The following BTD variants were observed in gnomAD, a reference collection of about 807,000 sequenced individuals.
BTD encodes the protein biocytinase.
In BTD, 13 loss-of-function variants were observed where a neutral mutation model predicts 17.7. That is an observed-to-expected ratio of 0.74 (90% CI 0.48 to 1.17). BTD has a LOEUF of 1.17. BTD is among the 50% of genes most tolerant of loss of function. The pLI is 0.00. For missense variants in BTD, 674 were observed against 650.4 expected (o/e 1.04, Z -0.39); for synonymous variants, 240 against 245.2 (o/e 0.98, Z 0.20).
chr3:15,711,587 T>TA (rs1027597419), exon 4 of BTD, among the ~76,000 whole-genome samples: 1 of 152,170 alleles, frequency 6.6e-6, no homozygotes, highest in African/African-American at 2.4e-5. Context: ...GCAAATTTTA[T>TA]AGAGATGAAA....
At chr3:15,671,806 A>C (rs924147539) in intron 3 of BTD, among the ~76,000 whole-genome samples, 1 of 151,930 alleles carries the variant, frequency 6.6e-6, no homozygotes, top group African/African-American at 2.4e-5. Flanking sequence ...GCTGGTCTCA[A>C]ACTCCTGGCC....
At chr3:15,641,567 C>A (rs1474221725) in intron 2 of BTD, among the ~76,000 whole-genome samples, 1 of 152,212 alleles carries the variant, frequency 6.6e-6, no homozygotes, top group Non-Finnish European at 1.5e-5. Flanking sequence ...CCCCTGGTAT[C>A]CTAAGAACTC....
chr3:15,700,283 A>T (rs2070364097), intron 3 of BTD, among the ~76,000 whole-genome samples: 1 of 151,868 alleles, frequency 6.6e-6, no homozygotes, highest in Non-Finnish European at 1.5e-5. Flanking sequence ...AACATCATAC[A>T]CCGGGGCCTG....
rs1354362266 is a variant in BTD, at chr3:15,645,378, G to A, written c.1462G>A (p.Val488Ile). Residue 488 changes from valine to isoleucine, a missense_variant, in exon 4 of 4, where the codon GTC becomes ATC. Transcript: ENST00000643237. The stretch of plus-strand genomic sequence containing the variant: ...TCTGACCTCAGGGATGACCCTAGAA[G>A]TCCCTGACCAGCTTGGCTGGGAGAA... ...LFLTSGMTLE[V>I]PDQLGWENDH... 1.9e-6 allele frequency: 3 copies of A among 1,614,186 alleles called. No individual in the cohort carries two copies. The highest frequency in any genetic ancestry group is 2.5e-6 in the Non-Finnish European group (3 of 1,180,042).
At chr3:15,633,291 G>A (rs149671032) in intron 1 of BTD, among the ~76,000 whole-genome samples, 113 of 152,168 alleles carry the variant, frequency 7.4e-4, no homozygotes, top group African/African-American at 2.6e-3. Context: ...CGGCTGACTA[G>A]ACCTATTTTT....
intron 3 of BTD, among the ~76,000 whole-genome samples, chr3:15,682,464 G>A (rs2067646437): frequency 6.6e-6 from 1 of 152,112 alleles, no homozygotes; most frequent in South Asian, 2.1e-4. Flanking sequence ...AAGATAGATA[G>A]GATGGTAAAC....
chr3:15,605,322 A>G (rs189641128), intron 1 of BTD, among the ~76,000 whole-genome samples: 5 of 152,336 alleles, frequency 3.3e-5, no homozygotes, highest in African/African-American at 4.8e-5. Context: ...TTATAAAACC[A>G]TCACAGCTTG....
chr3:15,679,331 C>T, intron 3 of BTD: 1 of 1,613,982 alleles, frequency 6.2e-7, no homozygotes, highest in Non-Finnish European at 8.5e-7. Flanking sequence ...GTTCACAATG[C>T]TGGCACCTAA....
At chr3:15,718,355 T>C (rs115546897) in intron 4 of BTD, among the ~76,000 whole-genome samples, 263 of 152,340 alleles carry the variant, frequency 1.7e-3, no homozygotes, top group African/African-American at 5.9e-3. Flanking sequence ...TACTTAAATA[T>C]ATCTTAATGC....
intron 3 of BTD, among the ~76,000 whole-genome samples, chr3:15,699,455 A>T (rs1048056809): frequency 6.6e-6 from 1 of 152,198 alleles, no homozygotes; most frequent in Non-Finnish European, 1.5e-5. Context: ...GTGAACAGGC[A>T]ATCTACAGAA....
intron 3 of BTD, among the ~76,000 whole-genome samples, chr3:15,705,880 T>A (rs572409957): frequency 6.6e-6 from 1 of 152,166 alleles, no homozygotes; most frequent in Non-Finnish European, 1.5e-5. Context: ...GCACCTGTAG[T>A]CCCAGCTACT....
chr3:15,676,904 T>TA (rs1258994645), intron 3 of BTD: 20 of 1,343,202 alleles, frequency 1.5e-5, no homozygotes, highest in Non-Finnish European at 1.8e-5. Context: ...GTCACATGTT[T>TA]AAAAAAATCC....
In BTD at chr3:15,635,786, C is replaced by T. The variant is rs1020624288; in HGVS notation, c.249+98C>T. 1.3e-6 allele frequency: 2 copies of T among 1,560,340 alleles called. No homozygotes were observed. The highest frequency in any genetic ancestry group is 2.2e-4 in the Middle Eastern group (1 of 4,448). On this transcript the variant is annotated intron_variant, in intron 2 of 3. Transcript: ENST00000643237. This position sits in a 1 kb window ranked among gnomAD's most constrained non-coding sequence, Gnocchi z 4.1. ...GGGTAATCCCAGGCTTCCTACCACC[C>T]TCTGAAAAAGCATCCAGGTAGTTAA...
intron 3 of BTD, among the ~76,000 whole-genome samples, chr3:15,677,806 A>C (rs1417692194): frequency 6.6e-6 from 1 of 152,170 alleles, no homozygotes; most frequent in Non-Finnish European, 1.5e-5. Context: ...CTGTGCACTA[A>C]ATTTTAAATA....
At chr3:15,720,900 G>A (rs754331922) in intron 4 of BTD, 2 of 1,609,026 alleles carry the variant, frequency 1.2e-6, no homozygotes, top group African/African-American at 2.7e-5. Context: ...TATAGATTCT[G>A]ATTTTGTTCC....
intron 3 of BTD, among the ~76,000 whole-genome samples, chr3:15,706,413 A>G (rs2071405892): frequency 9.2e-6 from 1 of 108,296 alleles, no homozygotes; most frequent in Non-Finnish European, 2.3e-5. Flanking sequence ...TACAAAGGAC[A>G]TAAACTCCTC....
chr3:15,638,525 A>G (rs915595892), intron 2 of BTD, among the ~76,000 whole-genome samples: 1 of 152,264 alleles, frequency 6.6e-6, no homozygotes, highest in East Asian at 1.9e-4. Flanking sequence ...AGATATGTAC[A>G]GGGTATTAAG....
At chr3:15,717,588 C>T (rs1487482987), downstream of BTD, among the ~76,000 whole-genome samples, 1 of 151,844 alleles carries the variant, frequency 6.6e-6, no homozygotes, top group Non-Finnish European at 1.5e-5. Flanking sequence ...AACAGTTGAT[C>T]TCACAGGCAA....
intron 1 of BTD, among the ~76,000 whole-genome samples, chr3:15,620,028 C>T (rs1039633719): frequency 6.6e-6 from 1 of 152,030 alleles, no homozygotes; most frequent in Non-Finnish European, 1.5e-5. Context: ...GGGAACAGGG[C>T]AAAGGGCAAA....
Sources: allele counts gnomAD v4.1 joint callset (sites outside exome capture counted in the v4.1 genomes callset), GRCh38; gene constraint gnomAD v4.1.1; non-coding constraint Gnocchi (gnomAD v3.1); transcripts MANE v1.5; gene names NCBI Gene and HGNC (gene_info 2026-07-23, HGNC 2026-07-21).